Variants in PDE4D observed in about 807,000 individuals in gnomAD.
PDE4D encodes the protein 3',5'-cyclic-AMP phosphodiesterase 4D.
A neutral mutation model predicts 87.4 loss-of-function variants in PDE4D; 24 were observed. That is an observed-to-expected ratio of 0.27 (90% CI 0.20 to 0.39). PDE4D has a LOEUF of 0.39. PDE4D is among the 10% of genes least tolerant of loss of function. The pLI, the probability that PDE4D is intolerant of heterozygous loss-of-function variation, is 1.00. For missense variants in PDE4D, 714 were observed against 1,041.0 expected, an observed-to-expected ratio of 0.69 and a Z score of 4.32; for synonymous variants, 384 against 383.2, an observed-to-expected ratio of 1.00 and a Z score of -0.02.
intron 1 of PDE4D, among the ~76,000 whole-genome samples, chr5:59,889,732 T>C (rs1398789662): frequency 6.6e-6 from 1 of 152,318 alleles, no homozygotes; most frequent in Middle Eastern, 3.4e-3. Context: ...TTGAAGACTA[T>C]TGGTTGAAAT....
At chr5:59,322,427 A>G (rs190773285) in intron 1 of PDE4D, among the ~76,000 whole-genome samples, 20 of 152,186 alleles carry the variant, frequency 1.3e-4, no homozygotes, top group African/African-American at 4.6e-4. Flanking sequence ...TTATGGGCTC[A>G]TGTCATCCCT....
intron 1 of PDE4D, among the ~76,000 whole-genome samples, chr5:59,392,460 GTTAATAC>G (rs1018893889): frequency 1.0e-4 from 15 of 148,932 alleles, no homozygotes; most frequent in Non-Finnish European, 1.9e-4. Flanking sequence ...GATTACGTGA[GTTAATAC>G]TTAATAAACT....
At chr5:59,220,364 CATG>C (rs1265757857) in intron 1 of PDE4D, among the ~76,000 whole-genome samples, 24 of 95,614 alleles carry the variant, frequency 2.5e-4, no homozygotes, top group African/African-American at 1.0e-3. Context: ...GGCGACAGAG[CATG>C]ACTCTGTCTC....
intron 6 of PDE4D, among the ~76,000 whole-genome samples, chr5:59,002,592 A>G (rs116770901): frequency 1.3e-5 from 2 of 152,270 alleles, no homozygotes; most frequent in Non-Finnish European, 2.9e-5. Flanking sequence ...TTGCACAAGA[A>G]AGAGCACACA....
intron 5 of PDE4D, among the ~76,000 whole-genome samples, chr5:59,053,683 C>T (rs1761942078): frequency 1.5e-5 from 2 of 129,696 alleles, no homozygotes; most frequent in Non-Finnish European, 3.1e-5. Flanking sequence ...TGGCCAGGCA[C>T]GGTCGCTCAT....
intron 5 of PDE4D, among the ~76,000 whole-genome samples, chr5:59,112,524 G>A (rs141164977): frequency 6.6e-6 from 1 of 152,220 alleles, no homozygotes; most frequent in Non-Finnish European, 1.5e-5. Context: ...GCAATAGGAT[G>A]GTAACCATGG....
intron 1 of PDE4D, among the ~76,000 whole-genome samples, chr5:59,337,859 C>T (rs751424132): frequency 2.0e-4 from 31 of 152,216 alleles, no homozygotes; most frequent in African/African-American, 4.3e-4. Flanking sequence ...TCATGGGGCA[C>T]GAGATTAAAC....
At chr5:60,190,186 T>C (rs977097614) in intron 1 of PDE4D, among the ~76,000 whole-genome samples, 12 of 152,194 alleles carry the variant, frequency 7.9e-5, no homozygotes, top group Non-Finnish European at 1.8e-4. Flanking sequence ...AAGAATTAAA[T>C]ACTCAAAAAG....
intron 5 of PDE4D, chr5:59,157,014 T>TA (rs11444928): frequency 0.84 from 159,560 of 190,940 alleles, 65,048 homozygotes; most frequent in Admixed American, 0.92. Context: ...CTTCATTAAT[T>TA]AAAAAAAAAA....
At chr5:60,115,830 T>C (rs1007427140) in intron 2 of PDE4D, among the ~76,000 whole-genome samples, 10 of 152,136 alleles carry the variant, frequency 6.6e-5, no homozygotes, top group Non-Finnish European at 1.3e-4. Flanking sequence ...ATATGTTTCT[T>C]CTTAGGTGAA....
intron 1 of PDE4D, among the ~76,000 whole-genome samples, chr5:59,394,617 C>T (rs1404382205): frequency 6.8e-6 from 1 of 147,854 alleles, no homozygotes; most frequent in African/African-American, 2.5e-5. Flanking sequence ...TGCTTTATTA[C>T]TATTGGTGAA....
chr5:59,449,554 C>T (rs1019449518), intron 1 of PDE4D, among the ~76,000 whole-genome samples: 1 of 152,214 alleles, frequency 6.6e-6, no homozygotes, highest in African/African-American at 2.4e-5. Context: ...CCTCTTCTTA[C>T]CTGCCACAAA....
intron 1 of PDE4D, chr5:59,592,097 G>A: frequency 1.0e-6 from 1 of 983,370 alleles, no homozygotes; most frequent in Non-Finnish European, 1.2e-6. Flanking sequence ...CTCCCAGCAA[G>A]AAAAGAACAT....
intron 2 of PDE4D, among the ~76,000 whole-genome samples, chr5:60,137,811 G>T (rs533407065): frequency 6.6e-6 from 1 of 151,938 alleles, no homozygotes; most frequent in South Asian, 2.1e-4. Context: ...GTCAATTTTT[G>T]CTTTTTTTTG....
chr5:60,362,814 A>G (rs1218653108), intron 1 of PDE4D, among the ~76,000 whole-genome samples: 1 of 151,798 alleles, frequency 6.6e-6, no homozygotes, highest in East Asian at 1.9e-4. Flanking sequence ...AGCTGAGATC[A>G]TGCCACTGCA....
chr5:59,793,345 A>C (rs1224930374), intron 1 of PDE4D, among the ~76,000 whole-genome samples: 1 of 152,250 alleles, frequency 6.6e-6, no homozygotes, highest in Non-Finnish European at 1.5e-5. Context: ...AGAACTAGTC[A>C]TATGATTTGT....
intron 5 of PDE4D, among the ~76,000 whole-genome samples, chr5:59,133,987 T>C (rs946371663): frequency 2.0e-5 from 3 of 150,158 alleles, no homozygotes; most frequent in African/African-American, 4.9e-5. Flanking sequence ...ACTAGTTTTG[T>C]TGTTGTTGTT....
intron 1 of PDE4D, among the ~76,000 whole-genome samples, chr5:60,384,389 A>G (rs2150012440): frequency 6.6e-6 from 1 of 152,348 alleles, no homozygotes; most frequent in Admixed American, 6.5e-5. Flanking sequence ...TAAATGTCTT[A>G]AGTGGAGGTA....
At chr5:59,141,240 T>C (rs917658286) in intron 5 of PDE4D, among the ~76,000 whole-genome samples, 1 of 152,232 alleles carries the variant, frequency 6.6e-6, no homozygotes, top group African/African-American at 2.4e-5. Flanking sequence ...TATACCACTG[T>C]CTAAGTCTTT....
Sources: allele counts gnomAD v4.1 joint callset (sites outside exome capture counted in the v4.1 genomes callset), GRCh38; gene constraint gnomAD v4.1.1; transcripts MANE v1.5; gene names NCBI Gene and HGNC (gene_info 2026-07-23, HGNC 2026-07-21).